TTC6: variants seen among roughly 807,000 people sequenced by gnomAD.
The protein encoded by TTC6 is tetratricopeptide repeat protein 6.
A neutral mutation model predicts 210.4 loss-of-function variants in TTC6; 172 were observed. The ratio of observed to expected loss-of-function variants is 0.82; its 90% CI spans 0.72 to 0.93. The LOEUF (loss-of-function observed/expected upper bound fraction) is 0.93. Ranked by LOEUF, TTC6 falls within the 40% of genes least tolerant of loss-of-function variation. The pLI is 0.00. For missense variants in TTC6, 2,414 were observed against 2,318.1 expected (o/e 1.04, Z -0.85); for synonymous variants, 804 against 819.6 (o/e 0.98, Z 0.32).
At chr14:37,710,859 A>G (rs2095843523) in intron 5 of TTC6, among the ~76,000 whole-genome samples, 1 of 152,136 alleles carries the variant, frequency 6.6e-6, no homozygotes, top group African/African-American at 2.4e-5. Flanking sequence ...TCTTCAGAGA[A>G]GGGGTCTGGG....
At chr14:37,755,577 A>G (rs1447317529) in intron 14 of TTC6, among the ~76,000 whole-genome samples, 1 of 152,150 alleles carries the variant, frequency 6.6e-6, no homozygotes, top group Non-Finnish European at 1.5e-5. Flanking sequence ...GAAGGGGTCC[A>G]GTTTCTGTTT....
chr14:37,732,462 C>T (rs574177204), intron 7 of TTC6, among the ~76,000 whole-genome samples: 3 of 150,770 alleles, frequency 2.0e-5, no homozygotes, highest in South Asian at 2.1e-4. Context: ...GGATTACAGT[C>T]GTGAGCCACC....
chr14:37,753,080 C>A lies in TTC6; in HGVS notation c.3130-19C>A. 2.0e-6 allele frequency: 3 copies of A among 1,504,184 alleles called. No homozygotes were observed. Among genetic ancestry groups the A allele is most frequent in the South Asian group, 2.5e-5 (2 of 79,320 alleles). 93.2% of individuals were successfully genotyped at this position (1,504,184 alleles called of 1,614,324 possible). A position where few individuals can be genotyped will look rare whatever the true frequency, so the allele number is the denominator to read the frequency against. Reference sequence around the variant, plus strand: ...TTTTTCATTTTGTGATGTTTATGTACCTCCCGCTGTCCCTATAGTGTATTT... The same window carrying A: ...TTTTTCATTTTGTGATGTTTATGTAACTCCCGCTGTCCCTATAGTGTATTT... On this transcript the variant is annotated intron_variant, in intron 13 of 30. Transcript: ENST00000553443.
chr14:37,654,781 A>T (rs1450451708), intron 1 of TTC6, among the ~76,000 whole-genome samples: 1 of 152,194 alleles, frequency 6.6e-6, no homozygotes, highest in Non-Finnish European at 1.5e-5. Flanking sequence ...TTTAAGAGAA[A>T]ATATATAGTT....
In TTC6 at chr14:37,783,089, C is replaced by CT. The variant is rs556242973; in HGVS notation, c.3267-4371dup. Among the ~76,000 whole-genome samples the CT allele has an allele frequency of 8.4e-3, 1,280 of 151,914 alleles. 22 individuals are homozygous for CT. Among genetic ancestry groups the CT allele is most frequent in the East Asian group, 0.071 (364 of 5,154 alleles). On this transcript the variant is annotated intron_variant, in intron 14 of 30. Transcript: ENST00000553443. ...ATCAGGGATATTGGTCTAAAATTCT[C>CT]TTTTTTTTGTTGTGTCTCTGCCAGG... is the stretch of plus-strand genomic sequence containing the variant.
At chr14:37,801,893 G>A (rs1275691205) in intron 20 of TTC6, among the ~76,000 whole-genome samples, 1 of 33,766 alleles carries the variant, frequency 3.0e-5, no homozygotes, top group Non-Finnish European at 1.3e-3. Flanking sequence ...TCATTACTGA[G>A]TATATATTCC....
chr14:37,802,737 CTTT>C (rs35779497), intron 20 of TTC6, among the ~76,000 whole-genome samples: 10 of 136,394 alleles, frequency 7.3e-5, no homozygotes, highest in East Asian at 2.1e-4. Context: ...TCTTTTTTCT[CTTT>C]TTTTTTTTTT....
intron 6 of TTC6, among the ~76,000 whole-genome samples, chr14:37,722,981 CTCAG>C (rs1804809503): frequency 6.6e-6 from 1 of 152,074 alleles, no homozygotes; most frequent in Admixed American, 6.6e-5. Context: ...CATTTATTTA[CTCAG>C]TCATTTATTT....
At chr14:37,762,881 T>TC (rs1470511023) in intron 14 of TTC6, among the ~76,000 whole-genome samples, 1 of 145,104 alleles carries the variant, frequency 6.9e-6, no homozygotes, top group Non-Finnish European at 1.5e-5. Context: ...TCTTTTCTTT[T>TC]CTTTTTTTTT....
chr14:37,803,031 C>G (rs891306732), intron 20 of TTC6, among the ~76,000 whole-genome samples: 1 of 152,134 alleles, frequency 6.6e-6, no homozygotes, highest in Non-Finnish European at 1.5e-5. Flanking sequence ...CTGTGCCCAG[C>G]CTTCATTGAC....
intron 1 of TTC6, among the ~76,000 whole-genome samples, chr14:37,656,350 C>A (rs566289276): frequency 1.5e-4 from 23 of 152,270 alleles, no homozygotes; most frequent in Middle Eastern, 6.8e-3. Flanking sequence ...TGTTAACTCA[C>A]CCATAAAACA....
At chr14:37,810,548 GAGTT>G (rs1030687644) in intron 24 of TTC6, among the ~76,000 whole-genome samples, 10 of 152,176 alleles carry the variant, frequency 6.6e-5, no homozygotes, top group African/African-American at 2.2e-4. Context: ...CACACAGAGA[GAGTT>G]AGTGACCTGT....
intron 14 of TTC6, among the ~76,000 whole-genome samples, chr14:37,764,599 T>C (rs971324606): frequency 6.6e-6 from 1 of 152,146 alleles, no homozygotes. Flanking sequence ...CCACTCTCTT[T>C]TGGCTAATAT....
chr14:37,821,483 A>T (rs1277613917), intron 26 of TTC6, among the ~76,000 whole-genome samples: 1 of 152,158 alleles, frequency 6.6e-6, no homozygotes, highest in Non-Finnish European at 1.5e-5. Context: ...GCAGCATCTG[A>T]TTCCCATATG....
intron 29 of TTC6, among the ~76,000 whole-genome samples, chr14:37,829,277 A>G (rs1595329192): frequency 6.6e-6 from 1 of 152,024 alleles, no homozygotes; most frequent in Non-Finnish European, 1.5e-5. Context: ...GGCATGATCA[A>G]TACATTTGAT....
At chr14:37,807,866 A>G (rs1265384428) in intron 23 of TTC6, among the ~76,000 whole-genome samples, 2 of 152,080 alleles carry the variant, frequency 1.3e-5, no homozygotes, top group Non-Finnish European at 2.9e-5. Flanking sequence ...TGGTATTTAT[A>G]TAACTTGTGT....
At chr14:37,836,400 C>T (rs886477963) in intron 29 of TTC6, among the ~76,000 whole-genome samples, 1 of 152,102 alleles carries the variant, frequency 6.6e-6, no homozygotes, top group African/African-American at 2.4e-5. Flanking sequence ...ATTCCCAGGG[C>T]AATTTTCTAT....
intron 25 of TTC6, among the ~76,000 whole-genome samples, chr14:37,817,267 A>G (rs757579845): frequency 3.1e-4 from 47 of 152,172 alleles, no homozygotes; most frequent in Non-Finnish European, 6.3e-4. Flanking sequence ...TGAGATAGAT[A>G]CCTCATTACC....
chr14:37,690,959 C>G (rs1480097003), intron 3 of TTC6, among the ~76,000 whole-genome samples: 3 of 152,184 alleles, frequency 2.0e-5, no homozygotes, highest in Non-Finnish European at 4.4e-5. Flanking sequence ...CCAGGATAGA[C>G]CATATGTTAG....
Sources: allele counts gnomAD v4.1 joint callset (sites outside exome capture counted in the v4.1 genomes callset), GRCh38; gene constraint gnomAD v4.1.1; transcripts MANE v1.5; gene names NCBI Gene and HGNC (gene_info 2026-07-23, HGNC 2026-07-21).